The following KLRC3 variants were observed in gnomAD, a reference collection of about 807,000 sequenced individuals.
KLRC3 encodes killer cell lectin like receptor C3.
In KLRC3, 16 loss-of-function variants were observed where a neutral mutation model predicts 23.6. That is an observed-to-expected ratio of 0.68 (90% CI 0.46 to 1.03). The LOEUF is 1.03. Ranked by LOEUF, KLRC3 falls within the 50% of genes least tolerant of loss-of-function variation. The pLI is 0.00. For synonymous variants in KLRC3, 70 were observed against 71.8 expected, an observed-to-expected ratio of 0.98 and a Z score of 0.13; for missense variants, 209 against 232.2, an observed-to-expected ratio of 0.90 and a Z score of 0.65.
rs566982998 is a variant in KLRC3 at position 10,415,199 on chromosome 12, A to T, written c.678+505T>A. The stretch of plus-strand genomic sequence containing the variant: ...GGACAGCTTCATTGAGGTACGGTGC[A>T]CATAGCATAAATTTCATCCACTTAA... On this transcript the variant is annotated intron_variant, in intron 6 of 6. Transcript: ENST00000396439. Among the ~76,000 whole-genome samples, 5 of 152,330 alleles carry T rather than the reference A, an allele frequency of 3.3e-5. No individual in the cohort carries two copies. In the South Asian group the frequency reaches 1.0e-3, roughly 32 times the overall value.
At chr12:10,414,166 G>A (rs1054068816) in intron 6 of KLRC3, among the ~76,000 whole-genome samples, 2 of 151,930 alleles carry the variant, frequency 1.3e-5, no homozygotes, top group Non-Finnish European at 2.9e-5. Flanking sequence ...TTTTATAAGG[G>A]GCAATATACA....
In KLRC3 at chr12:10,416,014, T is replaced by C. The variant is rs142391952; in HGVS notation, c.588-220A>G. Among the ~76,000 whole-genome samples, 876 of 151,478 alleles carry C rather than the reference T, an allele frequency of 5.8e-3. 36 individuals carry two copies. Among genetic ancestry groups the C allele is most frequent in the Admixed American group, 0.053 (815 of 15,254 alleles). ...AGACCCCACTGAATGTCTGAAATAG[T>C]ACAGAACCTATAGAGAGATTATGTT... On this transcript the variant is annotated intron_variant, in intron 5 of 6. Transcript: ENST00000396439.
intron 3 of KLRC3, among the ~76,000 whole-genome samples, chr12:10,418,744 T>C (rs1273725151): frequency 6.6e-6 from 1 of 152,120 alleles, no homozygotes; most frequent in Non-Finnish European, 1.5e-5. Flanking sequence ...ACTCCACACA[T>C]GTCTTGAACC....
At chr12:10,415,315 A>G (rs1863624713) in intron 6 of KLRC3, among the ~76,000 whole-genome samples, 1 of 152,196 alleles carries the variant, frequency 6.6e-6, no homozygotes, top group African/African-American at 2.4e-5. Context: ...ACTGACACAA[A>G]GAAACATTCT....
intron 6 of KLRC3, 80 bp from the exon 7 acceptor site, chr12:10,412,696 C>T: frequency 4.5e-6 from 3 of 671,986 alleles, no homozygotes; most frequent in Non-Finnish European, 2.7e-6. Context: ...GTGGGAGGAT[C>T]GCTTGAGCCT....
At chr12:10,420,085 G>T (rs1341011794) in intron 1 of KLRC3, 121 bp from the exon 2 acceptor site, 7 of 508,516 alleles carry the variant, frequency 1.4e-5, no homozygotes, top group Non-Finnish European at 2.1e-5. Context: ...ATAAACTCTG[G>T]CCGCTAAATC....
At chr12:10,413,682 G>T (rs971230050) in intron 6 of KLRC3, among the ~76,000 whole-genome samples, 1 of 152,078 alleles carries the variant, frequency 6.6e-6, no homozygotes, top group African/African-American at 2.4e-5. Context: ...ACAACGTGCA[G>T]GTTTGTTACA....
rs757487253 is a variant in KLRC3 at position 10,415,812 on chromosome 12, C to A, written c.588-18G>T. ...CTTTTATCCTGTAATGGAGAAAAAT[C>A]CATAATTCTGTTACATTTTATGCAA... On this transcript the variant is annotated intron_variant, in intron 5 of 6. Transcript: ENST00000396439. The A allele has an allele frequency of 1.3e-5, 20 of 1,567,330 alleles. No individual in the cohort carries two copies. The highest frequency in any genetic ancestry group is 1.5e-5 in the Non-Finnish European group (17 of 1,140,642).
At chr12:10,420,131 C>T (rs1244571871) in intron 1 of KLRC3, among the ~76,000 whole-genome samples, 167 bp from the exon 2 acceptor site, 2 of 151,666 alleles carry the variant, frequency 1.3e-5, no homozygotes, top group African/African-American at 2.4e-5. Flanking sequence ...TCAGAATATA[C>T]CATTTCATTT....
intron 5 of KLRC3, among the ~76,000 whole-genome samples, chr12:10,416,255 G>A (rs903031258): frequency 2.0e-5 from 3 of 152,158 alleles, no homozygotes; most frequent in Admixed American, 6.5e-5. Flanking sequence ...TCTAACTTAC[G>A]GCCCATGGGC....
In KLRC3 at chr12:10,418,181, C is replaced by T. The variant is rs142455245; in HGVS notation, c.486+163G>A. On this transcript the variant is annotated intron_variant, in intron 4 of 6. Coordinates refer to ENST00000396439, the MANE Select transcript of KLRC3 (RefSeq NM_002261.3). ...AAAACTGAAAATAAAAGTACATTAG[C>T]GGTATATAACTTTAAAAACATTATT... is the stretch of plus-strand genomic sequence containing the variant. 5.8e-3 allele frequency among the ~76,000 whole-genome samples: 890 copies of T among 152,160 alleles called. 6 individuals are homozygous for T. The highest frequency in any genetic ancestry group is 0.021 in the African/African-American group (862 of 41,506).
intron 6 of KLRC3, among the ~76,000 whole-genome samples, chr12:10,413,011 G>A (rs151195245): frequency 3.3e-5 from 5 of 152,074 alleles, no homozygotes; most frequent in South Asian, 4.2e-4. Flanking sequence ...ATACTCACAC[G>A]GATACTCAAT....
chr12:10,416,130 A>G (rs929347092), intron 5 of KLRC3, among the ~76,000 whole-genome samples: 1 of 152,218 alleles, frequency 6.6e-6, no homozygotes, highest in African/African-American at 2.4e-5. Context: ...AAAAAATTGT[A>G]AGCAATATAC....
chr12:10,416,187 G>C (rs1039080259), intron 5 of KLRC3, among the ~76,000 whole-genome samples: 5 of 152,176 alleles, frequency 3.3e-5, no homozygotes, highest in African/African-American at 9.7e-5. Flanking sequence ...AGTAAAATAA[G>C]GGTGACTTTT....
At chr12:10,418,925 A>C in intron 3 of KLRC3, 119 bp downstream of exon 3, 1 of 217,786 alleles carries the variant, frequency 4.6e-6, no homozygotes, top group African/African-American at 6.6e-5. Flanking sequence ...CTTTATAAAT[A>C]TTTATGGCTG....
intron 2 of KLRC3, 30 bp from the exon 3 acceptor site, chr12:10,419,118 T>A (rs1267300596): frequency 2.9e-5 from 4 of 139,694 alleles, no homozygotes; most frequent in Non-Finnish European, 5.2e-5. Context: ...ATGATTTTTA[T>A]AAAAACTGAT....
chr12:10,412,733 G>A (rs1319675119), intron 6 of KLRC3, 117 bp from the exon 7 acceptor site: 7 of 619,774 alleles, frequency 1.1e-5, no homozygotes, highest in African/African-American at 3.9e-5. Flanking sequence ...GCTGCAGTGA[G>A]CCGAGATGAA....
chr12:10,419,932 C>T lies in KLRC3; in HGVS notation c.220G>A (p.Glu74Lys), dbSNP rs1287285489. The change falls in exon 2 of 7, where the codon GAG becomes AAG. Residue 74 changes from glutamate (E) to lysine (K), a missense_variant. Transcript: ENST00000396439. ...LLPPPEKLTA[E>K]VLGIICIVLM... ...ACAATGCAAATGATTCCTAGGACCT[C>T]GGCAGTGAGCTTTTCTGGAGGTGGC... The T allele has an allele frequency of 9.5e-6, 5 of 525,296 alleles. No individual in the cohort carries two copies. The highest frequency in any genetic ancestry group is 3.1e-5 in the East Asian group (1 of 32,648). 32.5% of individuals were successfully genotyped at this position (525,296 alleles called of 1,614,324 possible).
intron 6 of KLRC3, among the ~76,000 whole-genome samples, chr12:10,413,290 G>T (rs891256785): frequency 7.2e-5 from 11 of 152,092 alleles, no homozygotes; most frequent in African/African-American, 2.4e-4. Flanking sequence ...ATGGGCCAAA[G>T]AAATTATCAA....
Sources: gnomAD v4.1 joint callset for allele counts (sites outside exome capture counted in the v4.1 genomes callset) on GRCh38, gnomAD v4.1.1 for gene constraint, MANE v1.5 for transcripts, NCBI Gene and HGNC (gene_info 2026-07-23, HGNC 2026-07-21) for gene names.